Variants in KCNU1 observed in about 807,000 individuals in gnomAD.
KCNU1 encodes potassium channel subfamily U member 1.
In KCNU1, 93 loss-of-function variants were observed where a neutral mutation model predicts 126.8. That is an observed-to-expected ratio of 0.73 (90% CI 0.62 to 0.87). KCNU1 has a LOEUF of 0.87. Among genes scored for constraint, KCNU1 ranks in the 40% least tolerant of loss-of-function variants. The pLI is 0.00. For missense variants in KCNU1, 1,330 were observed against 1,367.1 expected (o/e 0.97, Z 0.43); for synonymous variants, 523 against 494.2 (o/e 1.06, Z -0.77).
intron 24 of KCNU1, among the ~76,000 whole-genome samples, chr8:36,927,903 A>C (rs1171228158): frequency 6.8e-6 from 1 of 146,912 alleles, no homozygotes; most frequent in Non-Finnish European, 1.5e-5. Flanking sequence ...AGGGATGGAG[A>C]GAGAGAACAA....
chr8:36,798,695 A>C (rs1803195101), intron 2 of KCNU1, among the ~76,000 whole-genome samples: 1 of 152,216 alleles, frequency 6.6e-6, no homozygotes, highest in Non-Finnish European at 1.5e-5. Flanking sequence ...CCAATTGTCA[A>C]CCAGAAAATG....
chr8:36,886,093 G>T (rs1288618057), intron 19 of KCNU1, among the ~76,000 whole-genome samples: 1 of 152,146 alleles, frequency 6.6e-6, no homozygotes. Flanking sequence ...TATCACAAAA[G>T]TGAATTATAG....
chr8:36,791,536 A>G (rs1802900768), intron 2 of KCNU1, among the ~76,000 whole-genome samples: 1 of 152,106 alleles, frequency 6.6e-6, no homozygotes, highest in African/African-American at 2.4e-5. Context: ...CTGTAAATGC[A>G]TAACCTTTTC....
Position 36,836,147 on chromosome 8 carries a change from A to ATT in KCNU1, c.1296-145_1296-144dup, listed in dbSNP as rs530214587. The ATT allele has an allele frequency of 5.4e-3, 2,980 of 551,650 alleles. 18 individuals are homozygous for ATT. Among genetic ancestry groups the ATT allele is most frequent in the Non-Finnish European group, 8.3e-3 (2,601 of 313,516 alleles). 34.2% of individuals were successfully genotyped at this position (551,650 alleles called of 1,614,324 possible). A position where few individuals can be genotyped will look rare whatever the true frequency, so the allele number is the denominator to read the frequency against. On this transcript the variant is annotated intron_variant, in intron 12 of 26. Transcript: ENST00000399881. Reference sequence around the variant, plus strand: ...CTCTTCTGTGTAGGCTACTAAAAACATTTTTAGAAAACAACACAACAATAA... The same window carrying ATT: ...CTCTTCTGTGTAGGCTACTAAAAACATTTTTTTAGAAAACAACACAACAATAA...
intron 10 of KCNU1, among the ~76,000 whole-genome samples, chr8:36,827,941 T>C (rs1215708541): frequency 6.6e-6 from 1 of 152,148 alleles, no homozygotes; most frequent in Admixed American, 6.5e-5. Context: ...GTACTTCGAG[T>C]AGAGGAAAGA....
chr8:36,808,899 A>T, intron 7 of KCNU1, 106 bp downstream of exon 7: 1 of 722,968 alleles, frequency 1.4e-6, no homozygotes, highest in Non-Finnish European at 2.4e-6. Context: ...ACTGTAAGCC[A>T]GTTGGAGGTG....
At chr8:36,839,532 G>A (rs1477131183) in intron 14 of KCNU1, among the ~76,000 whole-genome samples, 2 of 152,302 alleles carry the variant, frequency 1.3e-5, no homozygotes, top group South Asian at 2.1e-4. Flanking sequence ...TCTTCGTGGT[G>A]GAAGCAGGCA....
intron 19 of KCNU1, chr8:36,888,401 A>C (rs1010165457): frequency 3.8e-5 from 14 of 372,076 alleles, no homozygotes; most frequent in Admixed American, 3.0e-4. Context: ...CCCCCACAAC[A>C]CCACTCTGGC....
In KCNU1 at chr8:36,784,516, T is replaced by C. The variant is rs376566912; in HGVS notation, c.106T>C (p.Phe36Leu). The part of the protein sequence containing the change: ...AFILSSFVTF[F>L]SGLIILLIFR... ...CATTCTCTCTTCCTTTGTGACCTTC[T>C]TCAGTGGACTCATCATCCTGTTGAT... Residue 36 changes from phenylalanine to leucine, a missense_variant, in exon 1 of 27, where the codon TTC becomes CTC. By Grantham distance (22) the Phe-to-Leu change is conservative. Transcript: ENST00000399881. The C allele has an allele frequency of 1.8e-5, 29 of 1,613,796 alleles. No individual in the cohort carries two copies. The highest frequency in any genetic ancestry group is 3.3e-4 in the Middle Eastern group (2 of 6,084).
chr8:36,922,515 T>C lies in KCNU1; in HGVS notation c.2622T>C (p.Ile874=). 6.2e-7 allele frequency: 1 copy of C among 1,612,884 alleles called. No homozygotes were observed. The highest frequency in any genetic ancestry group is 8.5e-7 in the Non-Finnish European group (1 of 1,179,486). ...AAAATCCTTCCAACATTCACTTTAT[T>C]GAACAGCTTGGTGGACTGGAAGGGT... ...ELKNPSNIHF[I]EQLGGLEGSL... The change falls in exon 24 of 27, where the codon ATT becomes ATC. Residue 874 remains isoleucine (I), a synonymous_variant. Transcript: ENST00000399881.
At chr8:36,806,405 G>A (rs1803505464) in intron 5 of KCNU1, 25 bp downstream of exon 5, 1 of 1,187,796 alleles carries the variant, frequency 8.4e-7, no homozygotes, top group South Asian at 1.3e-5. Flanking sequence ...GGAACGGGTA[G>A]CAATATCTAT....
At chr8:36,823,084 C>A (rs1392293396) in intron 10 of KCNU1, among the ~76,000 whole-genome samples, 1 of 152,064 alleles carries the variant, frequency 6.6e-6, no homozygotes, top group Non-Finnish European at 1.5e-5. Context: ...ACAGAGGGGG[C>A]AGCTAATTCA....
intron 2 of KCNU1, among the ~76,000 whole-genome samples, chr8:36,799,049 G>T (rs1803207958): frequency 6.6e-6 from 1 of 152,032 alleles, no homozygotes; most frequent in Admixed American, 6.5e-5. Flanking sequence ...GATCCCCCAG[G>T]CACCGGGGTG....
At chr8:36,890,479 G>T (rs949440242) in intron 19 of KCNU1, among the ~76,000 whole-genome samples, 3 of 151,894 alleles carry the variant, frequency 2.0e-5, no homozygotes, top group Non-Finnish European at 2.9e-5. Context: ...TTGCAAATTT[G>T]AGGTCAACTC....
chr8:36,831,480 G>T (rs1302511010), intron 10 of KCNU1, among the ~76,000 whole-genome samples: 4 of 152,180 alleles, frequency 2.6e-5, no homozygotes, highest in African/African-American at 9.7e-5. Flanking sequence ...ATCTCATTGT[G>T]GTTTGGATTT....
rs753843012 is a variant in KCNU1, at chr8:36,815,628, G to A, written c.936G>A (p.Val312=). ...ILFANYIPEM[V]ELFANKRKYT... The stretch of plus-strand genomic sequence containing the variant: ...TTGCGAACTATATACCTGAAATGGT[G>A]GAACTGTTTGCTAACAAGAGGAAAT... The change falls in exon 9 of 27, where the codon GTG becomes GTA. Residue 312 remains valine, a synonymous_variant. Transcript: ENST00000399881. The A allele has an allele frequency of 1.9e-6, 3 of 1,593,712 alleles. No individual in the cohort carries two copies. Among genetic ancestry groups the A allele is most frequent in the Non-Finnish European group, 8.6e-7 (1 of 1,169,002 alleles).
chr8:36,792,237 T>C (rs1484216446), intron 2 of KCNU1, among the ~76,000 whole-genome samples: 1 of 152,218 alleles, frequency 6.6e-6, no homozygotes, highest in East Asian at 1.9e-4. Context: ...CTCAGCAACA[T>C]TGTCAGATTT....
At chr8:36,894,048 C>T (rs145642025) in intron 19 of KCNU1, among the ~76,000 whole-genome samples, 97 of 152,086 alleles carry the variant, frequency 6.4e-4, no homozygotes, top group African/African-American at 2.2e-3. Context: ...AAAAAATTTT[C>T]GATTAACAAA....
intron 7 of KCNU1, among the ~76,000 whole-genome samples, chr8:36,811,786 G>A (rs1196494228): frequency 6.6e-6 from 1 of 152,036 alleles, no homozygotes; most frequent in East Asian, 1.9e-4. Context: ...AGAAAAATTA[G>A]TCGAGCATGA....
Sources: allele counts gnomAD v4.1 joint callset (sites outside exome capture counted in the v4.1 genomes callset), GRCh38; gene constraint gnomAD v4.1.1; transcripts MANE v1.5; gene names NCBI Gene and HGNC (gene_info 2026-07-23, HGNC 2026-07-21).